Variants in DGKH observed in about 807,000 individuals in gnomAD.
The protein encoded by DGKH is DAG kinase eta.
DGKH carries 90 observed loss-of-function variants against 159.3 expected under a neutral mutation model. The observed-to-expected ratio is 0.57, with a 90% CI of 0.48 to 0.67. The LOEUF is 0.67. Among genes scored for constraint, DGKH ranks in the 30% least tolerant of loss-of-function variants. The probability of loss-of-function intolerance (pLI) is 0.00; values close to 1 mark genes in which losing one functional copy is unlikely to be tolerated. For missense variants in DGKH, 1,181 were observed against 1,506.1 expected, an observed-to-expected ratio of 0.78 and a Z score of 3.57; for synonymous variants, 536 against 553.8, an observed-to-expected ratio of 0.97 and a Z score of 0.45.
At chr13:42,159,936 G>T in intron 6 of DGKH, 75 bp from the exon 7 acceptor site, 1 of 1,606,880 alleles carries the variant, frequency 6.2e-7, no homozygotes, top group South Asian at 1.1e-5. Context: ...AGTGAGAAAT[G>T]ATTCAAAATC....
chr13:42,092,086 TAAC>T (rs1185310895), intron 1 of DGKH, among the ~76,000 whole-genome samples: 2 of 152,182 alleles, frequency 1.3e-5, no homozygotes, highest in African/African-American at 4.8e-5. Context: ...AGACAAAAGA[TAAC>T]AAGTTTTGGC....
At chr13:42,189,766 G>A (rs774124279) in intron 15 of DGKH, among the ~76,000 whole-genome samples, 2 of 151,946 alleles carry the variant, frequency 1.3e-5, no homozygotes, top group African/African-American at 2.4e-5. Flanking sequence ...TCCCAGGCTC[G>A]AGCTATCCTC....
intron 1 of DGKH, among the ~76,000 whole-genome samples, chr13:42,059,401 C>T (rs1881983582): frequency 6.6e-6 from 1 of 151,976 alleles, no homozygotes; most frequent in Non-Finnish European, 1.5e-5. Context: ...AGGTGCGTGC[C>T]ACTGTGTCCT....
chr13:42,170,281 C>T (rs1385806165), intron 11 of DGKH, among the ~76,000 whole-genome samples: 1 of 152,194 alleles, frequency 6.6e-6, no homozygotes, highest in Non-Finnish European at 1.5e-5. Flanking sequence ...GGGGAGGTGG[C>T]TCACGCCTAT....
chr13:42,226,334 T>C (rs1958131703), intron 29 of DGKH, among the ~76,000 whole-genome samples: 1 of 152,144 alleles, frequency 6.6e-6, no homozygotes. Flanking sequence ...AGGAAAGCTT[T>C]TACACTGTTG....
intron 1 of DGKH, among the ~76,000 whole-genome samples, chr13:42,124,223 TAATA>T (rs1023087373): frequency 3.9e-5 from 6 of 152,188 alleles, no homozygotes; most frequent in African/African-American, 1.2e-4. Context: ...AAATGTCACA[TAATA>T]AATCTGAATA....
intron 26 of DGKH, among the ~76,000 whole-genome samples, chr13:42,217,247 A>G (rs1957823468): frequency 6.6e-6 from 1 of 152,200 alleles, no homozygotes; most frequent in Non-Finnish European, 1.5e-5. Flanking sequence ...TAAACACAAC[A>G]GGGTAGAGAA....
chr13:42,228,125 G>A (rs1322734809), intron 29 of DGKH, among the ~76,000 whole-genome samples: 2 of 152,128 alleles, frequency 1.3e-5, no homozygotes, highest in African/African-American at 2.4e-5. Context: ...ATAACTAGCA[G>A]TTATTCACCC....
chr13:42,046,870 A>G (rs1038527948), upstream of DGKH, among the ~76,000 whole-genome samples: 1 of 152,234 alleles, frequency 6.6e-6, no homozygotes, highest in African/African-American at 2.4e-5. Flanking sequence ...GTTTCTTTAC[A>G]TTAAAGGAGA....
upstream of DGKH, among the ~76,000 whole-genome samples, chr13:42,047,270 T>A (rs1034954227): frequency 6.6e-6 from 1 of 152,186 alleles, no homozygotes; most frequent in Non-Finnish European, 1.5e-5. Context: ...TTCTTAAAAC[T>A]TCTTAGAACT....
rs930902560 is a variant in DGKH at position 42,232,470 on chromosome 13, T to G, written c.*3282T>G. The G allele has an allele frequency of 8.5e-5, 13 of 152,224 alleles. No homozygotes were observed. Among genetic ancestry groups the G allele is most frequent in the African/African-American group, 3.1e-4 (13 of 41,454 alleles). 9.4% of individuals were successfully genotyped at this position (152,224 alleles called of 1,614,324 possible). ...GTCTCTTCACCTCCCTTTCTGAGTT[T>G]CTTTCCTACATCCTGGCTCTTCATT... On this transcript the variant is annotated 3_prime_UTR_variant, in exon 30 of 30. Coordinates refer to ENST00000337343, the MANE Select transcript of DGKH (RefSeq NM_178009.5).
At chr13:42,101,898 G>C (rs146010251) in intron 1 of DGKH, among the ~76,000 whole-genome samples, 3 of 152,208 alleles carry the variant, frequency 2.0e-5, no homozygotes, top group Admixed American at 6.5e-5. Context: ...GAAGAGGTAG[G>C]CATATTGGAT....
chr13:42,103,793 G>A (rs2137781120), intron 1 of DGKH, among the ~76,000 whole-genome samples: 1 of 152,316 alleles, frequency 6.6e-6, no homozygotes, highest in African/African-American at 2.4e-5. Context: ...ACATGACTTG[G>A]AGAGAAGGAG....
chr13:42,151,578 TACACACACACACACAC>T (rs60281789), intron 3 of DGKH, among the ~76,000 whole-genome samples: 21 of 93,852 alleles, frequency 2.2e-4, no homozygotes, highest in African/African-American at 6.6e-4. Flanking sequence ...CTTATATGTA[TACACACACACACACAC>T]ACACACACAC....
intron 1 of DGKH, among the ~76,000 whole-genome samples, chr13:42,113,773 G>A (rs1036764701): frequency 2.6e-5 from 4 of 152,068 alleles, no homozygotes; most frequent in Admixed American, 6.6e-5. Context: ...GCATGGCTAC[G>A]GGGAAAAATA....
At chr13:42,073,801 C>T (rs7319979) in intron 1 of DGKH, among the ~76,000 whole-genome samples, 2,302 of 152,170 alleles carry the variant, frequency 0.015, 62 homozygotes, top group African/African-American at 0.05. Flanking sequence ...ACAAACATAG[C>T]GGGCACTCTT....
At chr13:42,213,801 C>T (rs9566940) in intron 24 of DGKH, among the ~76,000 whole-genome samples, 43,859 of 152,038 alleles carry the variant, frequency 0.29, 7,066 homozygotes, top group South Asian at 0.42. Flanking sequence ...ACATCATTTT[C>T]TAGCAATCGG....
At chr13:42,053,907 A>G (rs964922821) in intron 1 of DGKH, among the ~76,000 whole-genome samples, 9 of 152,196 alleles carry the variant, frequency 5.9e-5, no homozygotes, top group African/African-American at 2.2e-4. Flanking sequence ...GGCGTGAGCC[A>G]CCACGCCTGG....
chr13:42,076,263 A>G (rs1954097011), intron 1 of DGKH, among the ~76,000 whole-genome samples: 1 of 152,212 alleles, frequency 6.6e-6, no homozygotes, highest in South Asian at 2.1e-4. Flanking sequence ...TGTTTGTTGG[A>G]TAGGAGACAG....
Sources: gnomAD v4.1 joint callset for allele counts (sites outside exome capture counted in the v4.1 genomes callset) on GRCh38, gnomAD v4.1.1 for gene constraint, MANE v1.5 for transcripts, NCBI Gene and HGNC (gene_info 2026-07-23, HGNC 2026-07-21) for gene names.